Variants in PSMD11 observed in about 807,000 individuals in gnomAD.
The protein encoded by PSMD11 is proteasome 26S subunit, non-ATPase 11.
A neutral mutation model predicts 62.3 loss-of-function variants in PSMD11; 5 were observed. The ratio of observed to expected loss-of-function variants is 0.08; its 90% CI spans 0.04 to 0.17. The LOEUF (loss-of-function observed/expected upper bound fraction) is 0.17, where lower values mean the gene tolerates loss of function less well. Among genes scored for constraint, PSMD11 ranks in the 10% least tolerant of loss-of-function variants. The pLI, the probability that PSMD11 is intolerant of heterozygous loss-of-function variation, is 1.00. For missense variants in PSMD11, 310 were observed against 512.9 expected, an observed-to-expected ratio of 0.60 and a Z score of 3.82; for synonymous variants, 191 against 191.8, an observed-to-expected ratio of 1.00 and a Z score of 0.03.
chr17:32,474,525 A>G (rs933020457), intron 7 of PSMD11, among the ~76,000 whole-genome samples: 1 of 152,158 alleles, frequency 6.6e-6, no homozygotes, highest in Admixed American at 6.5e-5. Flanking sequence ...TGCTTTTGGT[A>G]GGTTCAGTTC....
At chr17:32,450,118 C>T (rs1365169150) in intron 2 of PSMD11, among the ~76,000 whole-genome samples, 1 of 152,006 alleles carries the variant, frequency 6.6e-6, no homozygotes, top group East Asian at 1.9e-4. Flanking sequence ...CCACCACCAC[C>T]CCCGGTTAAT....
intron 3 of PSMD11, among the ~76,000 whole-genome samples, chr17:32,455,984 A>G (rs146295643): frequency 0.018 from 2,747 of 152,012 alleles, 25 homozygotes; most frequent in Middle Eastern, 0.031. Context: ...TCTACTAAAA[A>G]TAAAAAAAAA....
intron 3 of PSMD11, among the ~76,000 whole-genome samples, chr17:32,463,774 G>A (rs1018046312): frequency 6.6e-6 from 1 of 152,144 alleles, no homozygotes; most frequent in African/African-American, 2.4e-5. Context: ...ATGTTGTTTG[G>A]AAGTTCTTGG....
chr17:32,474,291 A>C (rs756882650), intron 7 of PSMD11, among the ~76,000 whole-genome samples: 1 of 152,192 alleles, frequency 6.6e-6, no homozygotes, highest in Non-Finnish European at 1.5e-5. Flanking sequence ...AGCCACCCAG[A>C]ATGAGGAAGG....
intron 8 of PSMD11, chr17:32,477,231 T>C (rs765081664): frequency 7.4e-5 from 23 of 311,606 alleles, no homozygotes; most frequent in Non-Finnish European, 9.9e-5. Context: ...TTGTCATTTT[T>C]CCTTTTAGCT....
chr17:32,458,850 T>G (rs1002313223), intron 3 of PSMD11, among the ~76,000 whole-genome samples: 2 of 152,184 alleles, frequency 1.3e-5, no homozygotes, highest in Admixed American at 1.3e-4. Context: ...TTCTTTACAC[T>G]GTTTCAAGTC....
At chr17:32,477,476 G>A (rs1873248425) in intron 8 of PSMD11, 45 bp from the exon 9 acceptor site, 2 of 1,503,762 alleles carry the variant, frequency 1.3e-6, no homozygotes, top group Non-Finnish European at 1.8e-6. Flanking sequence ...GTAAATGTTA[G>A]TGTGCAGAAT....
intron 9 of PSMD11, among the ~76,000 whole-genome samples, chr17:32,478,873 G>A (rs1175640851): frequency 6.6e-6 from 1 of 152,034 alleles, no homozygotes; most frequent in Non-Finnish European, 1.5e-5. Flanking sequence ...TGGTCCCTAG[G>A]GTGACTCCAC....
At chr17:32,473,572 C>T (rs1908234638) in intron 6 of PSMD11, among the ~76,000 whole-genome samples, 1 of 151,842 alleles carries the variant, frequency 6.6e-6, no homozygotes, top group South Asian at 2.1e-4. Context: ...GAGCTGAAAC[C>T]GTGCCCAGCA....
intron 6 of PSMD11, among the ~76,000 whole-genome samples, chr17:32,472,926 CG>C (rs1479281878): frequency 6.8e-6 from 1 of 147,924 alleles, no homozygotes; most frequent in Non-Finnish European, 1.5e-5. Flanking sequence ...GAAGCCGAGG[CG>C]GGTGGATCAC....
chr17:32,469,232 AG>A lies in PSMD11; in HGVS notation c.643+40del, dbSNP rs918722717. 1.9e-6 allele frequency: 3 copies of A among 1,578,002 alleles called. No homozygotes were observed. In the African/African-American group the frequency reaches 4.1e-5, roughly 21 times the overall value. ...CTATTCCTGGGATGTGTTTTCTTAA[AG>A]CTCATCTTATTTTATAGGTGGAAGG... On this transcript the variant is annotated intron_variant, in intron 6 of 13. Coordinates refer to ENST00000261712, the MANE Select transcript of PSMD11 (RefSeq NM_002815.4).
chr17:32,451,020 CA>C (rs1567851606), intron 2 of PSMD11, among the ~76,000 whole-genome samples: 1 of 149,592 alleles, frequency 6.7e-6, no homozygotes, highest in African/African-American at 2.5e-5. Context: ...ACTTGGGAAA[CA>C]GAGGCAGGAG....
intron 2 of PSMD11, among the ~76,000 whole-genome samples, chr17:32,448,482 C>T (rs1164957639): frequency 6.6e-6 from 1 of 152,010 alleles, no homozygotes; most frequent in Non-Finnish European, 1.5e-5. Flanking sequence ...ATTCTACTAT[C>T]TCAGCCTCCC....
At chr17:32,470,294 C>G (rs1205623457) in intron 6 of PSMD11, among the ~76,000 whole-genome samples, 2 of 150,966 alleles carry the variant, frequency 1.3e-5, no homozygotes, top group Admixed American at 1.3e-4. Context: ...CATGAGCCAC[C>G]ATGCCTGGCC....
rs1308778939 is a variant in PSMD11, at chr17:32,446,185, A to G, written c.92-760A>G. 3.3e-5 allele frequency: 5 copies of G among 152,304 alleles called. No individual in the cohort carries two copies. The East Asian group carries it at 9.6e-4, about 29-fold the overall frequency. 9.4% of individuals were successfully genotyped at this position (152,304 alleles called of 1,614,324 possible). On this transcript the variant is annotated intron_variant, in intron 1 of 13. Coordinates refer to ENST00000261712, the MANE Select transcript of PSMD11 (RefSeq NM_002815.4). ...GGCCTTACTTTTTCTGGACTCCATC[A>G]TGGTTTTTGTCAAGTCATGATGCTT... is the stretch of plus-strand genomic sequence containing the variant.
At chr17:32,458,945 A>T (rs1054406442) in intron 3 of PSMD11, among the ~76,000 whole-genome samples, 2 of 151,766 alleles carry the variant, frequency 1.3e-5, no homozygotes, top group African/African-American at 4.8e-5. Context: ...TTTTACAAAA[A>T]TTAGCCAGGT....
chr17:32,479,764 A>G lies in PSMD11; in HGVS notation c.1039-87A>G, dbSNP rs912523098. On this transcript the variant is annotated intron_variant, in intron 10 of 13. Coordinates refer to ENST00000261712, the MANE Select transcript of PSMD11 (RefSeq NM_002815.4). The stretch of plus-strand genomic sequence containing the variant: ...CTTACATTAGAATTTTGAGAAATAC[A>G]GCAGTTCTCCCCCTGTTCCCTCCCT... 5 of 1,454,938 alleles carry G rather than the reference A, an allele frequency of 3.4e-6. No individual in the cohort carries two copies. The African/African-American group carries it at 5.6e-5, about 16-fold the overall frequency. The allele number at this position is 1,454,938 out of a possible 1,614,324, so 90.1% of individuals were successfully genotyped here.
Position 32,480,391 on chromosome 17 carries a change from T to C in PSMD11, c.1127-98T>C, listed in dbSNP as rs1908453698. 9.3e-6 allele frequency: 14 copies of C among 1,507,332 alleles called. No homozygotes were observed. In the South Asian group the frequency reaches 1.6e-4, roughly 17 times the overall value. The allele number at this position is 1,507,332 out of a possible 1,614,324, so 93.4% of individuals were successfully genotyped here. On this transcript the variant is annotated intron_variant, in intron 12 of 13. Coordinates refer to ENST00000261712, the MANE Select transcript of PSMD11 (RefSeq NM_002815.4). The stretch of plus-strand genomic sequence containing the variant: ...GGAGATGAATTCTATTTCCCTTCTT[T>C]TCTGGACACAGTGAGTCAACTAGGG...
rs527306087 is a variant in PSMD11, at chr17:32,461,408, T to G, written c.319-2641T>G. Among the ~76,000 whole-genome samples the G allele has an allele frequency of 2.6e-5, 4 of 151,952 alleles. No homozygotes were observed. In the South Asian group the frequency reaches 6.2e-4, roughly 24 times the overall value. ...AGCACGTTTTAAGAAACCTCTCTAC[T>G]AAAAATACGAAAGTTAGCTGAGCAT... is the stretch of plus-strand genomic sequence containing the variant. On this transcript the variant is annotated intron_variant, in intron 3 of 13. Coordinates refer to ENST00000261712, the MANE Select transcript of PSMD11 (RefSeq NM_002815.4).
Sources: allele counts gnomAD v4.1 joint callset (sites outside exome capture counted in the v4.1 genomes callset), GRCh38; gene constraint gnomAD v4.1.1; transcripts MANE v1.5; gene names NCBI Gene and HGNC (gene_info 2026-07-23, HGNC 2026-07-21).